The following YAE1 variants were observed in gnomAD, a reference collection of about 807,000 sequenced individuals.
The protein encoded by YAE1 is protein YAE1 homolog.
YAE1 carries 22 observed loss-of-function variants against 23.0 expected under a neutral mutation model. The observed-to-expected ratio is 0.96, with a 90% CI of 0.68 to 1.37. The LOEUF is 1.37. Ranked by LOEUF, YAE1 falls within the 40% of genes most tolerant of loss-of-function variation. The probability of loss-of-function intolerance (pLI) is 0.00; values close to 1 mark genes in which losing one functional copy is unlikely to be tolerated. For missense variants in YAE1, 260 were observed against 262.1 expected, an observed-to-expected ratio of 0.99 and a Z score of 0.06; for synonymous variants, 101 against 97.0, an observed-to-expected ratio of 1.04 and a Z score of -0.24.
At chr7:39,596,080 C>T (rs1583681358) in intron 2 of YAE1, among the ~76,000 whole-genome samples, 1 of 152,190 alleles carries the variant, frequency 6.6e-6, no homozygotes, top group East Asian at 1.9e-4. Context: ...TTGAATTCTC[C>T]ATCATCAAAC....
chr7:39,570,112 G>T, intron 1 of YAE1: 1 of 975,280 alleles, frequency 1.0e-6, no homozygotes, highest in Non-Finnish European at 1.6e-6. Flanking sequence ...TGCGTACGTT[G>T]CTCTGCCGCC....
At chr7:39,578,119 G>GA (rs1307610828) in intron 2 of YAE1, among the ~76,000 whole-genome samples, 1 of 152,144 alleles carries the variant, frequency 6.6e-6, no homozygotes, top group Non-Finnish European at 1.5e-5. Flanking sequence ...TGGGGACTTG[G>GA]AGAACTTCTA....
At chr7:39,570,292 A>G (rs954167967) in intron 1 of YAE1, 8 of 673,836 alleles carry the variant, frequency 1.2e-5, no homozygotes, top group African/African-American at 7.3e-5. Flanking sequence ...TTGCCCGGTA[A>G]CTCTAGACTT....
intron 2 of YAE1, among the ~76,000 whole-genome samples, chr7:39,591,179 G>A (rs576944144): frequency 4.6e-5 from 7 of 152,082 alleles, no homozygotes; most frequent in South Asian, 2.1e-4. Flanking sequence ...CAGTCAGACC[G>A]GATTAAGGCC....
intron 2 of YAE1, among the ~76,000 whole-genome samples, chr7:39,590,315 AT>A (rs59356223): frequency 0.065 from 9,914 of 152,186 alleles, 1,113 homozygotes; most frequent in African/African-American, 0.22. Context: ...AAATTAAATT[AT>A]TTTTTTAAAG....
chr7:39,570,668 A>G lies in YAE1; in HGVS notation c.251+41A>G, dbSNP rs780474661. On this transcript the variant is annotated intron_variant, in intron 2 of 2. Transcript: ENST00000223273. ...TAAATGCTGAATCATTTTAACCTCA[A>G]TACTACTGGAGGATGTTTCTGTATA... is the stretch of plus-strand genomic sequence containing the variant. 5.8e-6 allele frequency: 9 copies of G among 1,560,178 alleles called. 1 individual carries two copies. Among genetic ancestry groups the G allele is most frequent in the Non-Finnish European group, 7.7e-6 (9 of 1,162,658 alleles).
intron 2 of YAE1, among the ~76,000 whole-genome samples, chr7:39,606,361 T>A (rs1442623115): frequency 2.6e-5 from 4 of 152,258 alleles, no homozygotes; most frequent in Non-Finnish European, 5.9e-5. Flanking sequence ...AATAGAAGAA[T>A]GCTAGTGTAT....
In YAE1 at chr7:39,606,489, G is replaced by A. The variant is rs552645642; in HGVS notation, c.252-3128G>A. Among the ~76,000 whole-genome samples, 4 of 152,280 alleles carry A rather than the reference G, an allele frequency of 2.6e-5. No individual in the cohort carries two copies. In the East Asian group the frequency reaches 7.7e-4, roughly 29 times the overall value. On this transcript the variant is annotated intron_variant, in intron 2 of 2. Coordinates refer to the YAE1 transcript ENST00000432096. ...GACAGTGATTAGTTTGTGGCTCATA[G>A]CAAGAACAAAGGAGAAAATGAAACT... is the stretch of plus-strand genomic sequence containing the variant.
chr7:39,606,659 T>C (rs1253028359), intron 2 of YAE1, among the ~76,000 whole-genome samples: 1 of 151,886 alleles, frequency 6.6e-6, no homozygotes, highest in African/African-American at 2.4e-5. Flanking sequence ...ATTCTCTATC[T>C]AGGTTTAAGG....
chr7:39,598,197 C>T (rs1791005564), intron 2 of YAE1, among the ~76,000 whole-genome samples: 1 of 151,992 alleles, frequency 6.6e-6, no homozygotes, highest in African/African-American at 2.4e-5. Flanking sequence ...GCAACTTCCG[C>T]CTCCCAGGTT....
chr7:39,584,455 TTATAAG>T (rs1790784822), intron 2 of YAE1, among the ~76,000 whole-genome samples: 1 of 152,208 alleles, frequency 6.6e-6, no homozygotes, highest in South Asian at 2.1e-4. Context: ...AAAAATCTGT[TTATAAG>T]TATCAAAGCC....
rs373447617 is a variant in YAE1 at position 39,609,275 on chromosome 7, G to C, written c.252-342G>C. 2.7e-4 allele frequency among the ~76,000 whole-genome samples: 41 copies of C among 152,264 alleles called. No homozygotes were observed. In the East Asian group the frequency reaches 6.6e-3, roughly 24 times the overall value. On this transcript the variant is annotated intron_variant, in intron 2 of 2. Transcript: ENST00000432096. Reference sequence around the variant, plus strand: ...ATGATGAAATATTTGGAAAGCATTAGGAACATCTGGATAGAAAATTAGATA... The same window carrying C: ...ATGATGAAATATTTGGAAAGCATTACGAACATCTGGATAGAAAATTAGATA...
intron 2 of YAE1, among the ~76,000 whole-genome samples, chr7:39,582,052 CAAGT>C (rs1790750333): frequency 6.6e-6 from 1 of 152,046 alleles, no homozygotes; most frequent in South Asian, 2.1e-4. Context: ...CTCAGCCTCC[CAAGT>C]AGCTGGGACT....
intron 1 of YAE1, chr7:39,569,266 A>G (rs1404857541): frequency 8.4e-6 from 2 of 237,290 alleles, no homozygotes; most frequent in East Asian, 1.3e-4. Context: ...TTTAATGACA[A>G]TCTAGACTGA....
downstream of YAE1, among the ~76,000 whole-genome samples, chr7:39,610,851 A>G (rs10486798): frequency 0.27 from 41,236 of 152,118 alleles, 7,252 homozygotes; most frequent in African/African-American, 0.5. Context: ...AATAGGAATC[A>G]TAAATTAGGA....
chr7:39,578,433 T>C (rs1243062323), intron 2 of YAE1, among the ~76,000 whole-genome samples: 1 of 152,208 alleles, frequency 6.6e-6, no homozygotes, highest in Non-Finnish European at 1.5e-5. Flanking sequence ...TTGTGGAAGC[T>C]TTGTTCTTTT....
intron 2 of YAE1, among the ~76,000 whole-genome samples, chr7:39,583,980 T>C (rs1387990774): frequency 6.6e-6 from 1 of 152,214 alleles, no homozygotes; most frequent in African/African-American, 2.4e-5. Context: ...CTGAACATCA[T>C]ACCTGCAATT....
intron 2 of YAE1, among the ~76,000 whole-genome samples, chr7:39,596,402 TA>T (rs1790974455): frequency 6.6e-6 from 1 of 151,952 alleles, no homozygotes; most frequent in Non-Finnish European, 1.5e-5. Flanking sequence ...CACACCCAGC[TA>T]ATTTTTGTAT....
downstream of YAE1, among the ~76,000 whole-genome samples, chr7:39,576,851 G>A (rs1290900888): frequency 6.6e-6 from 1 of 152,194 alleles, no homozygotes; most frequent in Non-Finnish European, 1.5e-5. Flanking sequence ...CAGGAGAACA[G>A]GATTCCAAAA....
Sources: allele counts gnomAD v4.1 joint callset (sites outside exome capture counted in the v4.1 genomes callset), GRCh38; gene constraint gnomAD v4.1.1; transcripts MANE v1.5; gene names NCBI Gene and HGNC (gene_info 2026-07-23, HGNC 2026-07-21).